Variants in PATJ observed in about 807,000 individuals in gnomAD.
PATJ encodes the protein inaD-like protein.
In PATJ, 190 loss-of-function variants were observed where a neutral mutation model predicts 224.9. The observed-to-expected ratio is 0.84, with a 90% CI of 0.75 to 0.95. The LOEUF (loss-of-function observed/expected upper bound fraction) is 0.95, where lower values mean the gene tolerates loss of function less well. Among genes scored for constraint, PATJ ranks in the 40% least tolerant of loss-of-function variants. The pLI, the probability that PATJ is intolerant of heterozygous loss-of-function variation, is 0.00. For missense variants in PATJ, 2,121 were observed against 2,270.3 expected (o/e 0.93, Z 1.34); for synonymous variants, 769 against 820.3 (o/e 0.94, Z 1.07).
At chr1:61,790,055 A>G (rs1033013733) in intron 8 of PATJ, among the ~76,000 whole-genome samples, 5 of 152,054 alleles carry the variant, frequency 3.3e-5, no homozygotes, top group Non-Finnish European at 7.4e-5. Context: ...AGTAAGTCTT[A>G]GGACCAGATG....
chr1:62,060,372 T>G (rs540713195), intron 31 of PATJ, among the ~76,000 whole-genome samples: 125 of 152,116 alleles, frequency 8.2e-4, no homozygotes, highest in Middle Eastern at 3.2e-3. Context: ...ATTTTATTTT[T>G]TATTTATTTT....
In PATJ at chr1:62,049,243, TCACA is replaced by T. The variant is rs60099928; in HGVS notation, c.4033-1688_4033-1685del. On this transcript the variant is annotated intron_variant, in intron 30 of 43. Transcript: ENST00000642238. ...AATTCCACTCCCCAGAAGTAAGCAA[TCACA>T]CACACACACACACACACACACACAC... 3.0e-3 allele frequency among the ~76,000 whole-genome samples: 407 copies of T among 137,264 alleles called. 4 individuals are homozygous for T. The highest frequency in any genetic ancestry group is 0.017 in the East Asian group (81 of 4,720). 90.1% of individuals were successfully genotyped at this position (137,264 alleles called of 152,430 possible).
Position 61,762,846 on chromosome 1 carries a change from T to C in PATJ, c.-35-12T>C, listed in dbSNP as rs1646043341. Reference sequence around the variant, plus strand: ...GAAATTCATCTTTTATATTGTTAAATTTTTTCTTTAGGTGTCTTTAAGAGT... The same window carrying C: ...GAAATTCATCTTTTATATTGTTAAACTTTTTCTTTAGGTGTCTTTAAGAGT... On this transcript the variant is annotated splice_polypyrimidine_tract_variant and intron_variant, in intron 1 of 43. Transcript: ENST00000642238. 1 of 1,281,836 alleles carries C rather than the reference T, an allele frequency of 7.8e-7. No individual in the cohort carries two copies. The highest frequency in any genetic ancestry group is 1.1e-6 in the Non-Finnish European group (1 of 918,868). 79.4% of individuals were successfully genotyped at this position (1,281,836 alleles called of 1,614,324 possible). A position where few individuals can be genotyped will look rare whatever the true frequency, so the allele number is the denominator to read the frequency against.
At chr1:61,897,500 G>A (rs1478703388) in intron 22 of PATJ, among the ~76,000 whole-genome samples, 2 of 152,208 alleles carry the variant, frequency 1.3e-5, no homozygotes, top group African/African-American at 2.4e-5. Context: ...TGCCATTAAT[G>A]TATGGCCTTA....
At chr1:61,890,652 A>G (rs541977427) in intron 22 of PATJ, among the ~76,000 whole-genome samples, 1 of 152,058 alleles carries the variant, frequency 6.6e-6, no homozygotes, top group South Asian at 2.1e-4. Flanking sequence ...ACCTGCCACC[A>G]TGACTGGCTA....
chr1:62,095,980 A>G lies in PATJ; in HGVS notation c.4377+11332A>G, dbSNP rs200578770. Among the ~76,000 whole-genome samples, 3 of 152,166 alleles carry G rather than the reference A, an allele frequency of 2.0e-5. No individual in the cohort carries two copies. The East Asian group carries it at 5.8e-4, about 29-fold the overall frequency. On this transcript the variant is annotated intron_variant, in intron 33 of 43. Coordinates refer to ENST00000642238, the MANE Select transcript of PATJ (RefSeq NM_001350145.3). ...GCCTGAACACAGCTTATCTACACAC[A>G]TACTCTCTCAATGAAGCACATCCTC... is the stretch of plus-strand genomic sequence containing the variant.
intron 17 of PATJ, among the ~76,000 whole-genome samples, chr1:61,838,816 T>C (rs1362714008): frequency 1.3e-5 from 2 of 152,188 alleles, no homozygotes; most frequent in Admixed American, 6.5e-5. Context: ...TTATGTGTAA[T>C]GTCTTTATTC....
rs1400440585 is a variant in PATJ at position 62,058,865 on chromosome 1, T to TA, written c.4125+7808dup. 2.6e-5 allele frequency among the ~76,000 whole-genome samples: 4 copies of TA among 152,208 alleles called. No individual in the cohort carries two copies. The East Asian group carries it at 7.7e-4, about 29-fold the overall frequency. ...AACGCAGAGGTCACAAGCTGGTTGT[T>TA]AGGAGTCAGATTCAGCCCACAAATG... On this transcript the variant is annotated intron_variant, in intron 31 of 43. Transcript: ENST00000642238.
chr1:62,020,224 A>G (rs1332541305), intron 29 of PATJ, among the ~76,000 whole-genome samples: 4 of 152,144 alleles, frequency 2.6e-5, no homozygotes, highest in Non-Finnish European at 4.4e-5. Flanking sequence ...ACTTAACAGT[A>G]TCAGCATCTG....
chr1:62,028,976 C>CATACATACATAT (rs2148461353), intron 29 of PATJ, among the ~76,000 whole-genome samples: 1 of 151,840 alleles, frequency 6.6e-6, no homozygotes, highest in Non-Finnish European at 1.5e-5. Flanking sequence ...TACATACATA[C>CATACATACATAT]ATACATACAT....
intron 41 of PATJ, among the ~76,000 whole-genome samples, chr1:62,139,506 A>C (rs1667285003): frequency 6.6e-6 from 1 of 151,502 alleles, no homozygotes; most frequent in Non-Finnish European, 1.5e-5. Context: ...TTGTTCAGTC[A>C]GTCCCTGATG....
chr1:61,822,295 G>A (rs532679430), intron 14 of PATJ, among the ~76,000 whole-genome samples: 2 of 152,098 alleles, frequency 1.3e-5, no homozygotes, highest in Admixed American at 6.5e-5. Flanking sequence ...GGTGGCGCAC[G>A]CCTGTAGTCC....
intron 26 of PATJ, among the ~76,000 whole-genome samples, chr1:61,917,643 G>A (rs1202345127): frequency 6.6e-6 from 1 of 152,142 alleles, no homozygotes; most frequent in African/African-American, 2.4e-5. Flanking sequence ...TCATGAGTGA[G>A]ATTTGCCTGG....
At position 62,099,347 on chromosome 1, in the gene PATJ, C is replaced by CTT. The variant is rs71050197; in HGVS notation, c.4378-9061_4378-9060dup. On this transcript the variant is annotated intron_variant, in intron 33 of 43. Transcript: ENST00000642238. ...ATTTTTTTGTATACAATATCTCCAA[C>CTT]TTTTTTTTTTTTTTTTTTTTTTTTT... Among the ~76,000 whole-genome samples the CTT allele has an allele frequency of 1.3e-3, 71 of 55,672 alleles. 3 individuals carry two copies. Among genetic ancestry groups the CTT allele is most frequent in the Non-Finnish European group, 1.7e-3 (51 of 29,628 alleles). The allele number at this position is 55,672 out of a possible 152,430, so 36.5% of individuals were successfully genotyped here.
chr1:61,783,706 G>A (rs1647872412), intron 7 of PATJ, among the ~76,000 whole-genome samples: 1 of 148,864 alleles, frequency 6.7e-6, no homozygotes, highest in Non-Finnish European at 1.5e-5. Flanking sequence ...AAGTTAAAAT[G>A]CAAAGTAATG....
chr1:61,854,717 T>C (rs1663375807), intron 17 of PATJ, among the ~76,000 whole-genome samples: 1 of 152,176 alleles, frequency 6.6e-6, no homozygotes, highest in Non-Finnish European at 1.5e-5. Context: ...ATCCTGGAGA[T>C]GTAAGGATTA....
chr1:61,980,031 G>T lies in PATJ; in HGVS notation c.3671-10137G>T, dbSNP rs537835938. ...TTATGACCTGCTTCAGGGGAGAAGG[G>T]GTAGGAGGAGTGAGAGTTACCTTCC... On this transcript the variant is annotated intron_variant, in intron 27 of 43. Coordinates refer to ENST00000642238, the MANE Select transcript of PATJ (RefSeq NM_001350145.3). 2.0e-5 allele frequency among the ~76,000 whole-genome samples: 3 copies of T among 152,106 alleles called. No homozygotes were observed. In the East Asian group the frequency reaches 5.8e-4, roughly 29 times the overall value.
At chr1:61,761,057 T>TA (rs1557594321) in intron 1 of PATJ, among the ~76,000 whole-genome samples, 1 of 151,966 alleles carries the variant, frequency 6.6e-6, no homozygotes, top group Non-Finnish European at 1.5e-5. Context: ...TGGCTCACTG[T>TA]AACCTCAACC....
rs1660076084 is a variant in PATJ at position 62,086,977 on chromosome 1, T to G, written c.4377+2329T>G. On this transcript the variant is annotated intron_variant, in intron 33 of 43. Transcript: ENST00000642238. This position sits in a 1 kb window ranked among gnomAD's most constrained non-coding sequence, Gnocchi z 4.0. ...AACCTCCGTCGTCCGTGGACAGCGGTACGTTATCAGCTCAGTGGGCCCCTT... is the reference window on the plus strand; with the variant it reads ...AACCTCCGTCGTCCGTGGACAGCGGGACGTTATCAGCTCAGTGGGCCCCTT... 6.6e-6 allele frequency among the ~76,000 whole-genome samples: 1 copy of G among 151,974 alleles called. No individual in the cohort carries two copies. The highest frequency in any genetic ancestry group is 1.5e-5 in the Non-Finnish European group (1 of 67,986).
Sources: allele counts gnomAD v4.1 joint callset (sites outside exome capture counted in the v4.1 genomes callset), GRCh38; gene constraint gnomAD v4.1.1; non-coding constraint Gnocchi (gnomAD v3.1); transcripts MANE v1.5; gene names NCBI Gene and HGNC (gene_info 2026-07-23, HGNC 2026-07-21).